KCNB2: variants seen among roughly 807,000 people sequenced by gnomAD.
The protein encoded by KCNB2 is potassium voltage-gated channel subfamily B member 2.
KCNB2 carries 15 observed loss-of-function variants against 61.5 expected under a neutral mutation model. The ratio of observed to expected loss-of-function variants is 0.24; its 90% CI spans 0.16 to 0.38. KCNB2 has a LOEUF of 0.38. KCNB2 is among the 10% of genes least tolerant of loss of function. The pLI is 1.00. For missense variants in KCNB2, 828 were observed against 1,125.2 expected (o/e 0.74, Z 3.78); for synonymous variants, 457 against 446.0 (o/e 1.02, Z -0.31).
In KCNB2 at chr8:72,911,624, G is replaced by A. The variant is rs1806295325; in HGVS notation, c.580-24311G>A. Among the ~76,000 whole-genome samples, 2 of 152,192 alleles carry A rather than the reference G, an allele frequency of 1.3e-5. 1 individual carries two copies. The highest frequency in any genetic ancestry group is 4.1e-4 in the South Asian group (2 of 4,832). On this transcript the variant is annotated intron_variant, in intron 2 of 2. Transcript: ENST00000523207. ...TTAGCCAGGACTTTCCAGCTGTCAT[G>A]GTAGTCTCCAATGTTCAGCATCATC... is the stretch of plus-strand genomic sequence containing the variant.
At chr8:72,771,037 G>A (rs1009086685) in intron 2 of KCNB2, among the ~76,000 whole-genome samples, 5 of 152,310 alleles carry the variant, frequency 3.3e-5, no homozygotes, top group Admixed American at 1.3e-4. Context: ...GCAGAAAAAA[G>A]CTCCCAGCTA....
intron 2 of KCNB2, among the ~76,000 whole-genome samples, chr8:72,742,008 A>G (rs112128481): frequency 3.3e-5 from 5 of 152,224 alleles, no homozygotes; most frequent in African/African-American, 1.2e-4. Flanking sequence ...CCAGAGGAAA[A>G]TAAGTCACTG....
chr8:72,862,954 C>A (rs945594302), intron 2 of KCNB2, among the ~76,000 whole-genome samples: 8 of 152,164 alleles, frequency 5.3e-5, no homozygotes, highest in Non-Finnish European at 1.0e-4. Flanking sequence ...GCCACCCAAC[C>A]AAAGTTACAA....
intron 1 of KCNB2, among the ~76,000 whole-genome samples, chr8:72,559,240 G>C (rs545338657): frequency 1.3e-5 from 2 of 152,094 alleles, no homozygotes; most frequent in South Asian, 4.2e-4. Flanking sequence ...CTGCTACCTG[G>C]TTCAAGTGAT....
At chr8:72,902,302 A>G (rs539364558) in intron 2 of KCNB2, among the ~76,000 whole-genome samples, 13 of 152,286 alleles carry the variant, frequency 8.5e-5, no homozygotes, top group African/African-American at 2.9e-4. Context: ...ACCATGATGA[A>G]GAGCCAAAGA....
intron 2 of KCNB2, among the ~76,000 whole-genome samples, chr8:72,725,081 A>AAT (rs1807610026): frequency 6.6e-6 from 1 of 152,146 alleles, no homozygotes; most frequent in African/African-American, 2.4e-5. Context: ...CATTTAAAAA[A>AAT]ATATGTTTAA....
At chr8:72,719,774 AT>A (rs1254789634) in intron 2 of KCNB2, among the ~76,000 whole-genome samples, 28 of 152,330 alleles carry the variant, frequency 1.8e-4, no homozygotes, top group Middle Eastern at 3.4e-3. Context: ...CTTAAAAAAA[AT>A]AAAACAAAAC....
rs1462896823 is a variant in KCNB2, at chr8:72,572,273, G to A, written c.579+3960G>A. 5.9e-5 allele frequency among the ~76,000 whole-genome samples: 9 copies of A among 152,268 alleles called. No individual in the cohort carries two copies. The South Asian group carries it at 1.2e-3, about 21-fold the overall frequency. On this transcript the variant is annotated intron_variant, in intron 2 of 2. Coordinates refer to ENST00000523207, the MANE Select transcript of KCNB2 (RefSeq NM_004770.3). ...AAGAGCATAAGTGGATGTGTGTGCC[G>A]GGCAGTGCCAGACAACAGGCTGATC...
chr8:72,629,122 G>T (rs1192546799), intron 2 of KCNB2, among the ~76,000 whole-genome samples: 3 of 152,146 alleles, frequency 2.0e-5, no homozygotes. Flanking sequence ...TGATGTAGGG[G>T]AAAGCCAGGT....
intron 2 of KCNB2, among the ~76,000 whole-genome samples, chr8:72,779,900 T>C (rs1390479377): frequency 1.3e-5 from 2 of 152,140 alleles, no homozygotes; most frequent in Non-Finnish European, 2.9e-5. Flanking sequence ...TTCAGGATTA[T>C]TCCTTTAGTT....
intron 2 of KCNB2, among the ~76,000 whole-genome samples, chr8:72,618,249 G>T (rs1805652464): frequency 6.6e-6 from 1 of 152,060 alleles, no homozygotes; most frequent in Non-Finnish European, 1.5e-5. Context: ...ACTAGAAGCA[G>T]AGAAGTAAGC....
intron 2 of KCNB2, among the ~76,000 whole-genome samples, chr8:72,730,012 A>G (rs1432269550): frequency 6.6e-6 from 1 of 152,154 alleles, no homozygotes; most frequent in Admixed American, 6.6e-5. Context: ...ACATGGGGAG[A>G]GAAATTTTCC....
At chr8:72,611,213 A>G (rs745798890) in intron 2 of KCNB2, among the ~76,000 whole-genome samples, 2 of 152,232 alleles carry the variant, frequency 1.3e-5, no homozygotes, top group Non-Finnish European at 2.9e-5. Context: ...ACAATTATGC[A>G]TATGGATGAT....
intron 2 of KCNB2, among the ~76,000 whole-genome samples, chr8:72,841,217 T>C (rs1170428502): frequency 6.6e-6 from 1 of 152,130 alleles, no homozygotes; most frequent in Non-Finnish European, 1.5e-5. Flanking sequence ...TGGTTGTAGA[T>C]GTGTGGCATT....
intron 2 of KCNB2, among the ~76,000 whole-genome samples, chr8:72,882,816 A>G (rs1432905322): frequency 1.3e-5 from 2 of 152,222 alleles, no homozygotes; most frequent in African/African-American, 4.8e-5. Flanking sequence ...AGATATGTTC[A>G]AATTACTTGA....
chr8:72,819,803 T>A (rs2958421), intron 2 of KCNB2, among the ~76,000 whole-genome samples: 75,522 of 151,884 alleles, frequency 0.5, 19,437 homozygotes, highest in East Asian at 0.68. Flanking sequence ...TGGGACTTCA[T>A]GTTATTCTCA....
chr8:72,699,958 TGA>T (rs1359823083), intron 2 of KCNB2, among the ~76,000 whole-genome samples: 2 of 152,056 alleles, frequency 1.3e-5, no homozygotes, highest in Non-Finnish European at 2.9e-5. Flanking sequence ...TGCCCATCAA[TGA>T]TAGACTGGAT....
At chr8:72,794,744 A>G (rs1809002946) in intron 2 of KCNB2, among the ~76,000 whole-genome samples, 1 of 152,190 alleles carries the variant, frequency 6.6e-6, no homozygotes, top group African/African-American at 2.4e-5. Flanking sequence ...ATAGATAATT[A>G]TGGAGCTCAG....
At chr8:72,932,362 CT>C (rs1806803087) in intron 2 of KCNB2, among the ~76,000 whole-genome samples, 1 of 152,172 alleles carries the variant, frequency 6.6e-6, no homozygotes, top group South Asian at 2.1e-4. Context: ...TCCTGAAGAC[CT>C]TCCTCTGGAG....
Sources: gnomAD v4.1 joint callset for allele counts (sites outside exome capture counted in the v4.1 genomes callset) on GRCh38, gnomAD v4.1.1 for gene constraint, MANE v1.5 for transcripts, NCBI Gene and HGNC (gene_info 2026-07-23, HGNC 2026-07-21) for gene names.